LEF1: variants seen among roughly 807,000 people sequenced by gnomAD.
The protein encoded by LEF1 is lymphoid enhancer-binding factor 1.
Under a neutral mutation model 51.2 loss-of-function variants are expected in LEF1, and 14 were observed. The observed-to-expected ratio is 0.27, with a 90% CI of 0.18 to 0.43. The LOEUF is 0.43. Ranked by LOEUF, LEF1 falls within the 20% of genes least tolerant of loss-of-function variation. The pLI is 1.00. For missense variants in LEF1, 386 were observed against 512.0 expected, an observed-to-expected ratio of 0.75 and a Z score of 2.37; for synonymous variants, 185 against 183.2, an observed-to-expected ratio of 1.01 and a Z score of -0.08.
At chr4:108,091,603 C>T (rs1035752613) in intron 3 of LEF1, among the ~76,000 whole-genome samples, 8 of 151,932 alleles carry the variant, frequency 5.3e-5, no homozygotes, top group African/African-American at 1.9e-4. Flanking sequence ...AATAGAGTGC[C>T]ATTATCATAG....
intron 3 of LEF1, among the ~76,000 whole-genome samples, chr4:108,132,345 C>T (rs1455066154): frequency 1.3e-5 from 2 of 152,096 alleles, no homozygotes; most frequent in Non-Finnish European, 2.9e-5. Flanking sequence ...CACATACTTC[C>T]CAGAAAGCTT....
chr4:108,155,282 A>G (rs1744619071), intron 3 of LEF1, among the ~76,000 whole-genome samples: 2 of 152,206 alleles, frequency 1.3e-5, no homozygotes, highest in African/African-American at 4.8e-5. Context: ...AAATTTAGAA[A>G]TCTGTTCCCT....
At chr4:108,081,491 C>G in intron 6 of LEF1, 95 bp downstream of exon 6, 1 of 944,602 alleles carries the variant, frequency 1.1e-6, no homozygotes, top group Non-Finnish European at 1.7e-6. Context: ...GGTATGCACC[C>G]TCCTAGCCAA....
chr4:108,115,566 A>G (rs1195676566), intron 3 of LEF1, among the ~76,000 whole-genome samples: 1 of 152,232 alleles, frequency 6.6e-6, no homozygotes, highest in African/African-American at 2.4e-5. Flanking sequence ...AGTAGGATGA[A>G]GCTGAGTCCT....
intron 2 of LEF1, among the ~76,000 whole-genome samples, chr4:108,164,026 A>G (rs1395516832): frequency 6.6e-6 from 1 of 152,206 alleles, no homozygotes; most frequent in Non-Finnish European, 1.5e-5. Context: ...TATACAGAAC[A>G]CACACAACTT....
At chr4:108,139,048 C>T (rs187583532) in intron 3 of LEF1, among the ~76,000 whole-genome samples, 15 of 152,326 alleles carry the variant, frequency 9.8e-5, no homozygotes, top group Admixed American at 3.3e-4. Context: ...AAAATACAGA[C>T]TGAGATTCCC....
chr4:108,122,376 C>A (rs1264526014), intron 3 of LEF1, among the ~76,000 whole-genome samples: 1 of 152,028 alleles, frequency 6.6e-6, no homozygotes, highest in Non-Finnish European at 1.5e-5. Context: ...TTTTTTCATA[C>A]CTTTCATAAT....
At chr4:108,166,492 T>C in intron 1 of LEF1, 1 of 1,370,272 alleles carries the variant, frequency 7.3e-7, no homozygotes, top group Non-Finnish European at 9.4e-7. Context: ...CTCCAGAGGG[T>C]TTCCCAGTTG....
chr4:108,119,170 G>C lies in LEF1; in HGVS notation c.415-29913C>G, dbSNP rs1026753251. On this transcript the variant is annotated intron_variant, in intron 3 of 11. Coordinates refer to ENST00000265165, the MANE Select transcript of LEF1 (RefSeq NM_016269.5). ...ACTGAAAGCTAACTCCCACATACGA[G>C]ATAAAAGTTCAACATCAGGTGATGG... is the stretch of plus-strand genomic sequence containing the variant. Among the ~76,000 whole-genome samples the C allele has an allele frequency of 3.4e-5, 5 of 146,784 alleles. No individual in the cohort carries two copies. In the East Asian group the frequency reaches 7.9e-4, roughly 23 times the overall value.
intron 11 of LEF1, among the ~76,000 whole-genome samples, chr4:108,051,048 T>C (rs1429242354): frequency 6.6e-6 from 1 of 152,178 alleles, no homozygotes; most frequent in East Asian, 1.9e-4. Context: ...TGCCCAGAGA[T>C]AGCCATTTAC....
chr4:108,082,220 AT>A (rs1194331507), intron 5 of LEF1, among the ~76,000 whole-genome samples: 2 of 152,164 alleles, frequency 1.3e-5, no homozygotes, highest in Admixed American at 6.5e-5. Flanking sequence ...TGAGAAGTCC[AT>A]TTTTTCCCTC....
intron 11 of LEF1, among the ~76,000 whole-genome samples, chr4:108,050,899 T>C (rs1017088250): frequency 2.6e-5 from 4 of 152,132 alleles, no homozygotes; most frequent in African/African-American, 9.7e-5. Context: ...CAAGCAGGGC[T>C]AACACCTCCA....
chr4:108,157,157 TC>T (rs1744754358), intron 3 of LEF1, among the ~76,000 whole-genome samples: 2 of 65,720 alleles, frequency 3.0e-5, no homozygotes, highest in Admixed American at 5.1e-4. Context: ...ATTCTCTCTC[TC>T]TCTCTCTCTC....
At chr4:108,096,254 GAGA>G (rs1280160321) in intron 3 of LEF1, among the ~76,000 whole-genome samples, 1 of 152,144 alleles carries the variant, frequency 6.6e-6, no homozygotes, top group Non-Finnish European at 1.5e-5. Flanking sequence ...GGAAGAGGAG[GAGA>G]AGGAGAAACA....
intron 7 of LEF1, among the ~76,000 whole-genome samples, chr4:108,078,775 C>G (rs1560773902): frequency 6.6e-6 from 1 of 152,186 alleles, no homozygotes; most frequent in Admixed American, 6.5e-5. Context: ...GATCATTCCT[C>G]TTTCAGAATA....
chr4:108,089,388 C>A, intron 3 of LEF1, 131 bp from the exon 4 acceptor site: 2 of 895,888 alleles, frequency 2.2e-6, no homozygotes, highest in Non-Finnish European at 3.3e-6. Context: ...CAGACCTGGA[C>A]AGGTGGAAAT....
intron 9 of LEF1, among the ~76,000 whole-genome samples, chr4:108,068,333 C>G (rs1738222721): frequency 6.6e-6 from 1 of 152,136 alleles, no homozygotes; most frequent in South Asian, 2.1e-4. Flanking sequence ...CTAATCCACT[C>G]AGGAGGAGGA....
intron 11 of LEF1, among the ~76,000 whole-genome samples, chr4:108,061,278 C>T (rs1037145312): frequency 2.6e-5 from 4 of 152,088 alleles, no homozygotes; most frequent in African/African-American, 9.7e-5. Context: ...GAGAGAACAT[C>T]TTAACCTTAA....
At chr4:108,146,624 G>A (rs934972585) in intron 3 of LEF1, among the ~76,000 whole-genome samples, 2 of 152,176 alleles carry the variant, frequency 1.3e-5, no homozygotes, top group African/African-American at 4.8e-5. Context: ...AGGTCCAGAG[G>A]CATTTCAGAT....
Sources: allele counts gnomAD v4.1 joint callset (sites outside exome capture counted in the v4.1 genomes callset), GRCh38; gene constraint gnomAD v4.1.1; transcripts MANE v1.5; gene names NCBI Gene and HGNC (gene_info 2026-07-23, HGNC 2026-07-21).